HNRNPH3: variants seen among roughly 807,000 people sequenced by gnomAD.
HNRNPH3 encodes heterogeneous nuclear ribonucleoprotein 2H9.
HNRNPH3 carries 7 observed loss-of-function variants against 47.0 expected under a neutral mutation model. The ratio of observed to expected loss-of-function variants is 0.15; its 90% confidence interval spans 0.08 to 0.28. The LOEUF (loss-of-function observed/expected upper bound fraction) is 0.28. Ranked by LOEUF, HNRNPH3 falls within the 10% of genes least tolerant of loss-of-function variation. The probability of loss-of-function intolerance (pLI) is 1.00; values close to 1 mark genes in which losing one functional copy is unlikely to be tolerated. For missense variants in HNRNPH3, 279 were observed against 449.6 expected, an observed-to-expected ratio of 0.62 and a Z score of 3.43; for synonymous variants, 120 against 143.2, an observed-to-expected ratio of 0.84 and a Z score of 1.16.
intron 1 of HNRNPH3, among the ~76,000 whole-genome samples, chr10:68,334,758 G>A (rs1233976601): frequency 6.6e-6 from 1 of 152,128 alleles, no homozygotes; most frequent in Admixed American, 6.5e-5. Context: ...TCTTTTATTG[G>A]TACTAGCACC....
chr10:68,338,805 A>C (rs970265524), intron 4 of HNRNPH3, 118 bp downstream of exon 4: 1 of 779,950 alleles, frequency 1.3e-6, no homozygotes, highest in Non-Finnish European at 1.9e-6. Context: ...AAACCTGTTC[A>C]TGAAAATACG....
chr10:68,338,818 T>C (rs1172968057), intron 4 of HNRNPH3, 131 bp downstream of exon 4: 4 of 674,324 alleles, frequency 5.9e-6, no homozygotes, highest in Admixed American at 3.6e-5. Flanking sequence ...AAAATACGGA[T>C]TCCCATGGCT....
In HNRNPH3 at chr10:68,341,588, A is replaced by G; in HGVS notation, c.779A>G (p.His260Arg). The change falls in exon 8 of 10, where the codon CAT becomes CGT. Residue 260 changes from histidine (H) to arginine (R), a missense_variant. His to Arg is a conservative substitution (Grantham distance 29). Transcript: ENST00000265866. Reference sequence around the variant, plus strand: ...ACTCTTTCTTTTTTTCTTAAAGAACATCGATATATTGAACTCTTCTTGAAT... The same window carrying G: ...ACTCTTTCTTTTTTTCTTAAAGAACGTCGATATATTGAACTCTTCTTGAAT... ...AMSKDKNNMQ[H>R]RYIELFLNST... The G allele has an allele frequency of 6.3e-7, 1 of 1,599,952 alleles. No individual in the cohort carries two copies. The highest frequency in any genetic ancestry group is 8.5e-7 in the Non-Finnish European group (1 of 1,170,194).
intron 1 of HNRNPH3, among the ~76,000 whole-genome samples, chr10:68,334,048 T>C (rs1353638641): frequency 6.6e-6 from 1 of 151,846 alleles, no homozygotes; most frequent in Non-Finnish European, 1.5e-5. Flanking sequence ...TTTAAAATAA[T>C]GTTATCTTTG....
chr10:68,333,701 G>T (rs1321834393), intron 1 of HNRNPH3, among the ~76,000 whole-genome samples: 1 of 152,122 alleles, frequency 6.6e-6, no homozygotes, highest in African/African-American at 2.4e-5. Flanking sequence ...ATTGAAGACA[G>T]TACAAAAGGG....
chr10:68,341,749 C>CT lies in HNRNPH3; in HGVS notation c.872-5dup. ...TGAGTCTCAATTTTTTTTCTTTTTT[C>CT]TTTTTAAAGATAATCAGGGAGGCTA... On this transcript the variant is annotated splice_polypyrimidine_tract_variant and intron_variant, in intron 8 of 9. Coordinates refer to ENST00000265866, the MANE Select transcript of HNRNPH3 (RefSeq NM_012207.3). 2.5e-6 allele frequency: 4 copies of CT among 1,588,146 alleles called. No homozygotes were observed. The South Asian group carries it at 4.6e-5, about 18-fold the overall frequency.
chr10:68,341,374 A>G (rs1402413589), intron 7 of HNRNPH3, 65 bp downstream of exon 7: 2 of 1,510,650 alleles, frequency 1.3e-6, no homozygotes, highest in Non-Finnish European at 1.8e-6. Context: ...AAGAGGCTCT[A>G]AGATCTGTAG....
rs1335604416 is a variant in HNRNPH3 at position 68,337,491 on chromosome 10, T to G, written c.112+158T>G. The stretch of plus-strand genomic sequence containing the variant: ...TAAAATAATATGCTCCAGTTAATAT[T>G]CAATACAGAATGTGTAGAATATGTA... On this transcript the variant is annotated intron_variant, in intron 2 of 9. Transcript: ENST00000265866. The surrounding 1 kb of genome is among the most constrained non-coding windows in gnomAD (Gnocchi z 4.5). 8.4e-6 allele frequency: 5 copies of G among 591,900 alleles called. No homozygotes were observed. The highest frequency in any genetic ancestry group is 2.2e-5 in the South Asian group (1 of 46,510). The allele number at this position is 591,900 out of a possible 1,614,324, so 36.7% of individuals were successfully genotyped here.
Position 68,339,529 on chromosome 10 carries a change from C to T in HNRNPH3, c.613C>T (p.Arg205Cys), listed in dbSNP as rs1314921524. Residue 205 changes from arginine (R) to cysteine (C), a missense_variant, in exon 6 of 10, where the codon CGT (arginine) becomes TGT (cysteine). Physicochemically the swap from Arg to Cys is radical, Grantham distance 180 (BLOSUM62 -3). Coordinates refer to ENST00000265866, the MANE Select transcript of HNRNPH3 (RefSeq NM_012207.3). ...HFVHMRGLPF[R>C]ATENDIANFF... Reference sequence around the variant, plus strand: ...CGTACATATGAGAGGGTTGCCTTTTCGTGCAACTGAAAATGACATTGCTAA... The same window carrying T: ...CGTACATATGAGAGGGTTGCCTTTTTGTGCAACTGAAAATGACATTGCTAA... The T allele has an allele frequency of 6.2e-7, 1 of 1,612,510 alleles. No individual in the cohort carries two copies. The highest frequency in any genetic ancestry group is 8.5e-7 in the Non-Finnish European group (1 of 1,178,784).
chr10:68,342,585 TATC>T lies in HNRNPH3; in HGVS notation c.*533_*535del. 6.5e-6 allele frequency: 1 copy of T among 152,696 alleles called. No individual in the cohort carries two copies. The highest frequency in any genetic ancestry group is 1.5e-5 in the Non-Finnish European group (1 of 68,206). 9.5% of individuals were successfully genotyped at this position (152,696 alleles called of 1,614,324 possible). A position where few individuals can be genotyped will look rare whatever the true frequency, so the allele number is the denominator to read the frequency against. On this transcript the variant is annotated 3_prime_UTR_variant, in exon 10 of 10. Coordinates refer to ENST00000265866, the MANE Select transcript of HNRNPH3 (RefSeq NM_012207.3). ...ATATTATTATTTTTCAAATGTCATTTATCAGGCATAGCTCTGAAACATTGATGA... is the reference window on the plus strand; with the variant it reads ...ATATTATTATTTTTCAAATGTCATTTAGGCATAGCTCTGAAACATTGATGA...
rs1199630052 is a variant in HNRNPH3 at position 68,342,866 on chromosome 10, G to GTA, written c.*814_*815dup. ...ACTATGGAGTATAATTCTCACAATTGTATTTTCAGTTTTCTGCCCAATAGA... is the reference window on the plus strand; with the variant it reads ...ACTATGGAGTATAATTCTCACAATTGTATATTTTCAGTTTTCTGCCCAATAGA... On this transcript the variant is annotated 3_prime_UTR_variant, in exon 10 of 10. Transcript: ENST00000265866. 2.0e-5 allele frequency: 3 copies of GTA among 152,330 alleles called. No homozygotes were observed. The highest frequency in any genetic ancestry group is 2.9e-5 in the Non-Finnish European group (2 of 68,018). 9.4% of individuals were successfully genotyped at this position (152,330 alleles called of 1,614,324 possible). A position where few individuals can be genotyped will look rare whatever the true frequency, so the allele number is the denominator to read the frequency against.
intron 1 of HNRNPH3, among the ~76,000 whole-genome samples, chr10:68,335,095 A>G (rs765027739): frequency 6.6e-6 from 1 of 150,542 alleles, no homozygotes; most frequent in African/African-American, 2.4e-5. Context: ...TTTCTTACAG[A>G]TAACACTGAT....
upstream of HNRNPH3, chr10:68,331,768 C>T (rs1408256530): frequency 6.6e-6 from 1 of 152,388 alleles, no homozygotes; most frequent in African/African-American, 2.4e-5. Context: ...CTTCTACACA[C>T]TGGCAGAACT....
intron 3 of HNRNPH3, 197 bp from the exon 4 acceptor site, chr10:68,338,306 T>C (rs1295047998): frequency 6.5e-6 from 3 of 462,656 alleles, no homozygotes; most frequent in Non-Finnish European, 1.1e-5. Flanking sequence ...ATGAATTGTT[T>C]TCCGTGACTA....
chr10:68,335,510 C>T (rs1221358402), intron 1 of HNRNPH3, among the ~76,000 whole-genome samples: 1 of 151,924 alleles, frequency 6.6e-6, no homozygotes, highest in African/African-American at 2.4e-5. Context: ...GGGGCCGCCT[C>T]CTCTCAGAGC....
Position 68,339,499 on chromosome 10 carries a change from C to A in HNRNPH3, c.583C>A (p.His195Asn). ...GDASSGFHGG[H>N]FVHMRGLPFR... ...TGCAAGTTCAGGTTTTCATGGTGGT[C>A]ATTTCGTACATATGAGAGGGTTGCC... Residue 195 changes from histidine to asparagine, a missense_variant, in exon 6 of 10, where the codon CAT becomes AAT. By Grantham distance (68) the His-to-Asn change is moderately conservative. This residue lies in a region of HNRNPH3 where 239 missense variants were observed against 335.8 expected (regional missense o/e 0.71). Coordinates refer to ENST00000265866, the MANE Select transcript of HNRNPH3 (RefSeq NM_012207.3). 1 of 1,613,890 alleles carries A rather than the reference C, an allele frequency of 6.2e-7. No homozygotes were observed. The highest frequency in any genetic ancestry group is 1.1e-5 in the South Asian group (1 of 91,038).
rs778624380 is a variant in HNRNPH3 at position 68,339,576 on chromosome 10, A to G, written c.639+21A>G. ...CTAATGTGAGTAATTTTTAATAACT[A>G]TTAGTGGTTTTATACTTATCCTGGT... On this transcript the variant is annotated intron_variant, in intron 6 of 9. Coordinates refer to ENST00000265866, the MANE Select transcript of HNRNPH3 (RefSeq NM_012207.3). 1.5e-5 allele frequency: 21 copies of G among 1,427,046 alleles called. No homozygotes were observed. The African/African-American group carries it at 3.1e-4, about 21-fold the overall frequency. The allele number at this position is 1,427,046 out of a possible 1,614,324, so 88.4% of individuals were successfully genotyped here.
At chr10:68,334,242 C>G (rs558953542) in intron 1 of HNRNPH3, among the ~76,000 whole-genome samples, 31 of 152,296 alleles carry the variant, frequency 2.0e-4, no homozygotes, top group African/African-American at 7.5e-4. Context: ...ATCATCAGCA[C>G]TTTTTCCAAA....
intron 1 of HNRNPH3, among the ~76,000 whole-genome samples, chr10:68,335,453 GC>G (rs991646782): frequency 2.0e-5 from 3 of 151,318 alleles, no homozygotes; most frequent in African/African-American, 4.9e-5. Flanking sequence ...AAAACGGTAG[GC>G]ATTTTCAAAA....
Sources: gnomAD v4.1 joint callset for allele counts (sites outside exome capture counted in the v4.1 genomes callset) on GRCh38, gnomAD v4.1.1 for gene constraint, gnomAD v4.1.1 regional missense constraint, Gnocchi (gnomAD v3.1) non-coding constraint, MANE v1.5 for transcripts, NCBI Gene and HGNC (gene_info 2026-07-23, HGNC 2026-07-21) for gene names.